The following RIN2 variants were observed in gnomAD, a reference collection of about 807,000 sequenced individuals.
RIN2 encodes Ras and Rab interactor 2.
RIN2 carries 36 observed loss-of-function variants against 78.0 expected under a neutral mutation model. The ratio of observed to expected loss-of-function variants is 0.46; its 90% CI spans 0.35 to 0.61. RIN2 has a LOEUF of 0.61. Among genes scored for constraint, RIN2 ranks in the 20% least tolerant of loss-of-function variants. RIN2 has a pLI of 0.00. For missense variants in RIN2, 1,087 were observed against 1,159.7 expected, an observed-to-expected ratio of 0.94 and a Z score of 0.91; for synonymous variants, 466 against 466.8, an observed-to-expected ratio of 1.00 and a Z score of 0.02.
intron 3 of RIN2, among the ~76,000 whole-genome samples, chr20:19,898,916 A>G (rs1215922715): frequency 2.0e-5 from 3 of 152,244 alleles, no homozygotes; most frequent in Non-Finnish European, 4.4e-5. Flanking sequence ...ACAGAAAAAA[A>G]TGATACAAAA....
At chr20:19,914,628 G>A (rs1378785684) in intron 3 of RIN2, among the ~76,000 whole-genome samples, 1 of 152,164 alleles carries the variant, frequency 6.6e-6, no homozygotes, top group Non-Finnish European at 1.5e-5. Context: ...ACCGACCTGG[G>A]AAAGAATTGG....
Position 19,866,702 on chromosome 20 carries a change from G to T in RIN2, c.-36-22864G>T, listed in dbSNP as rs2037518972. Among the ~76,000 whole-genome samples the T allele has an allele frequency of 3.3e-5, 5 of 152,280 alleles. No individual in the cohort carries two copies. The South Asian group carries it at 1.0e-3, about 32-fold the overall frequency. On this transcript the variant is annotated intron_variant, in intron 2 of 12. Coordinates refer to ENST00000255006, the MANE Select transcript of RIN2 (RefSeq NM_018993.4). ...TGCAGTGGCATGATCTCAGCTCACT[G>T]CAAGTTCCACCTCCCAGGTTCAAAT... is the stretch of plus-strand genomic sequence containing the variant.
At chr20:19,922,113 G>A (rs455068) in intron 3 of RIN2, among the ~76,000 whole-genome samples, 36,245 of 152,016 alleles carry the variant, frequency 0.24, 5,182 homozygotes, top group East Asian at 0.54. Flanking sequence ...TGATCTATTC[G>A]CCTCGGCCTC....
rs1335681874 is a variant in RIN2, at chr20:19,853,584, A to G, written c.-36-35982A>G. Among the ~76,000 whole-genome samples the G allele has an allele frequency of 4.0e-5, 6 of 151,860 alleles. 1 individual carries two copies. Among genetic ancestry groups the G allele is most frequent in the African/African-American group, 7.2e-5 (3 of 41,406 alleles). On this transcript the variant is annotated intron_variant, in intron 2 of 12. Transcript: ENST00000255006. ...TTTAATGATCACCATTCTAACTGGC[A>G]TGAGATGGTATCTCATTGTGGTTTT...
rs78599696 is a variant in RIN2, at chr20:19,945,547, G to A, written c.158+10348G>A. The stretch of plus-strand genomic sequence containing the variant: ...GTTGGAATCCTAAATCTCATTCTCC[G>A]TGCTGGAATAAAGCATTCTGTATTT... On this transcript the variant is annotated intron_variant, in intron 4 of 12. Transcript: ENST00000255006. Among the ~76,000 whole-genome samples the A allele has an allele frequency of 7.3e-3, 1,115 of 152,264 alleles. 8 individuals carry two copies. The highest frequency in any genetic ancestry group is 0.026 in the African/African-American group (1,060 of 41,534).
intron 1 of RIN2, among the ~76,000 whole-genome samples, chr20:19,797,011 A>T (rs2035079048): frequency 2.0e-5 from 3 of 152,200 alleles, no homozygotes; most frequent in Admixed American, 2.0e-4. Context: ...CCAGTAGTTC[A>T]GATAGAGAAA....
intron 1 of RIN2, among the ~76,000 whole-genome samples, chr20:19,778,834 G>T (rs1242027643): frequency 1.3e-5 from 2 of 152,170 alleles, no homozygotes; most frequent in Admixed American, 1.3e-4. Flanking sequence ...GACACCACCT[G>T]AGTTGCCTTG....
At chr20:19,794,727 G>A (rs1466088476) in intron 1 of RIN2, among the ~76,000 whole-genome samples, 2 of 151,900 alleles carry the variant, frequency 1.3e-5, no homozygotes, top group Non-Finnish European at 2.9e-5. Context: ...TTATTACCTT[G>A]TAGGTTTTAA....
chr20:19,912,254 T>C (rs2039500565), intron 3 of RIN2, among the ~76,000 whole-genome samples: 1 of 152,098 alleles, frequency 6.6e-6, no homozygotes, highest in Admixed American at 6.5e-5. Flanking sequence ...CATATGAGCA[T>C]TGCTTAAAGA....
chr20:19,947,273 G>A (rs984336024), intron 4 of RIN2, among the ~76,000 whole-genome samples: 12 of 152,184 alleles, frequency 7.9e-5, no homozygotes, highest in East Asian at 5.8e-4. Context: ...AGCTGAGGCT[G>A]AGGCAGGAGG....
intron 7 of RIN2, among the ~76,000 whole-genome samples, chr20:19,966,897 C>T (rs2041957179): frequency 6.9e-6 from 1 of 145,276 alleles, no homozygotes; most frequent in Admixed American, 7.0e-5. Context: ...AGAAGCACAG[C>T]CCCCAACAGA....
At position 20,000,736 on chromosome 20, in the gene RIN2, G is replaced by A. The variant is rs2043118090; in HGVS notation, c.2488G>A (p.Asp830Asn). The A allele has an allele frequency of 2.5e-6, 4 of 1,613,872 alleles. No homozygotes were observed. The African/African-American group carries it at 4.0e-5, about 16-fold the overall frequency. The change falls in exon 13 of 13, where the codon GAC becomes AAC. Residue 830 changes from aspartate (D) to asparagine (N), a missense_variant. Asp to Asn is a conservative substitution (Grantham distance 23). Coordinates refer to ENST00000255006, the MANE Select transcript of RIN2 (RefSeq NM_018993.4). Reference sequence around the variant, plus strand: ...CTGCGCTGAGAAGTTCAAGGTGGGGGACCCTGAGGAGTACAGCCTCTTTCT... The same window carrying A: ...CTGCGCTGAGAAGTTCAAGGTGGGGAACCCTGAGGAGTACAGCCTCTTTCT... ...QICAEKFKVG[D>N]PEEYSLFLFV...
At chr20:19,938,568 C>T (rs2040740475) in intron 4 of RIN2, among the ~76,000 whole-genome samples, 1 of 152,050 alleles carries the variant, frequency 6.6e-6, no homozygotes, top group Non-Finnish European at 1.5e-5. Flanking sequence ...TTTCTCTCTC[C>T]CACTAACTTT....
At position 19,825,673 on chromosome 20, in the gene RIN2, T is replaced by G. The variant is rs575530575; in HGVS notation, c.-37+25926T>G. Among the ~76,000 whole-genome samples, 130 of 152,346 alleles carry G rather than the reference T, an allele frequency of 8.5e-4. 1 individual carries two copies. Among genetic ancestry groups the G allele is most frequent in the African/African-American group, 3.1e-3 (127 of 41,576 alleles). The stretch of plus-strand genomic sequence containing the variant: ...GACTTCCACCAATACGGATACTGCC[T>G]TGGATAAGCCCAAATGCTCATCAGG... On this transcript the variant is annotated intron_variant, in intron 2 of 12. Coordinates refer to ENST00000255006, the MANE Select transcript of RIN2 (RefSeq NM_018993.4).
intron 2 of RIN2, among the ~76,000 whole-genome samples, chr20:19,852,743 T>C (rs1281838423): frequency 6.6e-6 from 1 of 152,204 alleles, no homozygotes; most frequent in Non-Finnish European, 1.5e-5. Flanking sequence ...AAATTATTAT[T>C]CTGTGACTAC....
At chr20:19,823,941 C>T in intron 2 of RIN2, 1 of 1,522,578 alleles carries the variant, frequency 6.6e-7, no homozygotes, top group East Asian at 2.3e-5. Context: ...ACTTCGGCAG[C>T]ATGGTGGAGG....
intron 1 of RIN2, among the ~76,000 whole-genome samples, chr20:19,780,133 T>C (rs571253365): frequency 5.9e-5 from 9 of 152,290 alleles, no homozygotes; most frequent in African/African-American, 2.2e-4. Flanking sequence ...CAGAGTGTAA[T>C]GTGATTCAGA....
intron 2 of RIN2, among the ~76,000 whole-genome samples, chr20:19,874,063 T>G (rs1253475136): frequency 1.1e-4 from 2 of 18,654 alleles, no homozygotes; most frequent in African/African-American, 2.9e-4. Context: ...CACATTTTGG[T>G]GTGTGTGTGT....
At chr20:19,943,026 A>G (rs1480696807) in intron 4 of RIN2, among the ~76,000 whole-genome samples, 4 of 152,224 alleles carry the variant, frequency 2.6e-5, no homozygotes, top group African/African-American at 9.6e-5. Context: ...TAAATACTAG[A>G]AACTGCCAAT....
Sources: allele counts gnomAD v4.1 joint callset (sites outside exome capture counted in the v4.1 genomes callset), GRCh38; gene constraint gnomAD v4.1.1; transcripts MANE v1.5; gene names NCBI Gene and HGNC (gene_info 2026-07-23, HGNC 2026-07-21).